The following EXT2 variants were observed in gnomAD, a reference collection of about 807,000 sequenced individuals.
EXT2 encodes the protein exostosin glycosyltransferase 2.
EXT2 carries 53 observed loss-of-function variants against 81.6 expected under a neutral mutation model. The observed-to-expected ratio is 0.65, with a 90% CI of 0.52 to 0.82. EXT2 has a LOEUF of 0.82. EXT2 is among the 40% of genes least tolerant of loss of function. The pLI is 0.00. For synonymous variants in EXT2, 320 were observed against 340.0 expected (o/e 0.94, Z 0.65); for missense variants, 774 against 910.2 (o/e 0.85, Z 1.93).
At chr11:44,118,446 T>A (rs1954254061) in intron 4 of EXT2, among the ~76,000 whole-genome samples, 1 of 152,226 alleles carries the variant, frequency 6.6e-6, no homozygotes, top group Non-Finnish European at 1.5e-5. Context: ...AATTTTACAC[T>A]GAACATAATG....
intron 9 of EXT2, chr11:44,198,242 A>G (rs1306740615): frequency 3.3e-5 from 19 of 584,098 alleles, no homozygotes; most frequent in Non-Finnish European, 5.2e-5. Context: ...CTTAGGAATC[A>G]ACAGGATCAA....
chr11:44,150,007 G>C (rs934805995), intron 7 of EXT2, among the ~76,000 whole-genome samples: 1 of 152,186 alleles, frequency 6.6e-6, no homozygotes, highest in African/African-American at 2.4e-5. Flanking sequence ...CTGATGTTGA[G>C]AGTTCTTCAG....
chr11:44,124,940 C>A lies in EXT2; in HGVS notation c.895C>A (p.Arg299Ser). The A allele has an allele frequency of 6.2e-7, 1 of 1,613,710 alleles. No individual in the cohort carries two copies. The highest frequency in any genetic ancestry group is 8.5e-7 in the Non-Finnish European group (1 of 1,180,020). ...AGAGGGTGTCCTTTCTGTCCGTAAG[C>A]GCTGCCACAAGCACCAGGTCTTCGA... ...LSEGVLSVRK[R>S]CHKHQVFDYP... is the part of the protein sequence containing the mutation. Residue 299 changes from arginine (R) to serine (S), a missense_variant, in exon 5 of 14, where the codon CGC becomes AGC. Physicochemically the swap from Arg to Ser is moderately radical, Grantham distance 110 (BLOSUM62 -1). This residue lies in a region of EXT2 where 626 missense variants were observed against 670.5 expected (regional missense o/e 0.93). Coordinates refer to ENST00000533608, the MANE Select transcript of EXT2 (RefSeq NM_207122.2).
intron 5 of EXT2, among the ~76,000 whole-genome samples, chr11:44,125,680 A>AT (rs5791606): frequency 0.3 from 44,380 of 148,382 alleles, 6,897 homozygotes; most frequent in Admixed American, 0.44. Flanking sequence ...AGCTGGTGTG[A>AT]TTTTTTTTTT....
At chr11:44,109,107 G>A (rs1954104112) in intron 2 of EXT2, 87 bp from the exon 3 acceptor site, 1 of 1,442,996 alleles carries the variant, frequency 6.9e-7, no homozygotes, top group South Asian at 1.2e-5. Context: ...TGGGCTTGGG[G>A]ATCCTTGATA....
At chr11:44,140,557 G>T (rs1954632089) in intron 7 of EXT2, among the ~76,000 whole-genome samples, 1 of 152,148 alleles carries the variant, frequency 6.6e-6, no homozygotes, top group Non-Finnish European at 1.5e-5. Context: ...CTGGATCAAG[G>T]CCAGTGGTTT....
intron 8 of EXT2, among the ~76,000 whole-genome samples, chr11:44,190,408 G>C (rs971467978): frequency 2.0e-5 from 3 of 152,132 alleles, no homozygotes; most frequent in Non-Finnish European, 4.4e-5. Context: ...AATAGGTAAG[G>C]CTTCTCATTA....
chr11:44,109,172 T>G (rs760364774), intron 2 of EXT2, 22 bp from the exon 3 acceptor site: 5 of 1,612,616 alleles, frequency 3.1e-6, no homozygotes, highest in Non-Finnish European at 4.2e-6. Flanking sequence ...TTAATTCTCC[T>G]ACATTTTAAA....
intron 10 of EXT2, among the ~76,000 whole-genome samples, chr11:44,225,711 A>G (rs773402658): frequency 6.6e-6 from 1 of 152,206 alleles, no homozygotes; most frequent in Non-Finnish European, 1.5e-5. Flanking sequence ...GACTTCATGA[A>G]TAGAAGATTG....
Position 44,119,169 on chromosome 11 carries a change from T to TATATATATAC in EXT2, c.743+4869_743+4870insTATATATACA, listed in dbSNP as rs1192115471. ...ATATATATATATATATATATATATA[T>TATATATATAC]ACACATACACACACACACACACACA... is the stretch of plus-strand genomic sequence containing the variant. On this transcript the variant is annotated intron_variant, in intron 4 of 13. Transcript: ENST00000533608. 4.1e-3 allele frequency among the ~76,000 whole-genome samples: 259 copies of TATATATATAC among 62,854 alleles called. 2 individuals are homozygous for TATATATATAC. The highest frequency in any genetic ancestry group is 8.2e-3 in the Middle Eastern group (1 of 122). The allele number at this position is 62,854 out of a possible 152,430, so 41.2% of individuals were successfully genotyped here. A position where few individuals can be genotyped will look rare whatever the true frequency, so the allele number is the denominator to read the frequency against.
chr11:44,114,778 C>G (rs190386142), intron 4 of EXT2, among the ~76,000 whole-genome samples: 90 of 151,518 alleles, frequency 5.9e-4, no homozygotes, highest in Admixed American at 2.0e-3. Context: ...ATAAGATTCA[C>G]GTTAGTCCTT....
At chr11:44,121,974 C>A (rs902486590) in intron 4 of EXT2, among the ~76,000 whole-genome samples, 1 of 152,122 alleles carries the variant, frequency 6.6e-6, no homozygotes, top group Admixed American at 6.5e-5. Flanking sequence ...CCTTCTTCCC[C>A]ACCCGACCAT....
At chr11:44,126,680 T>C (rs1954409309) in intron 5 of EXT2, 136 bp from the exon 6 acceptor site, 1 of 1,023,922 alleles carries the variant, frequency 9.8e-7, no homozygotes, top group East Asian at 2.4e-5. Flanking sequence ...AGCTGTTGTC[T>C]TTTGGCATTT....
intron 8 of EXT2, among the ~76,000 whole-genome samples, chr11:44,194,517 AACCATTACC>A (rs1955432822): frequency 6.6e-6 from 1 of 152,224 alleles, no homozygotes; most frequent in East Asian, 1.9e-4. Flanking sequence ...AAGGGCTGTG[AACCATTACC>A]GTCTGGTGTT....
chr11:44,138,389 G>C (rs1295859733), intron 7 of EXT2, among the ~76,000 whole-genome samples: 1 of 152,112 alleles, frequency 6.6e-6, no homozygotes, highest in Non-Finnish European at 1.5e-5. Context: ...GTAATCTTGA[G>C]AATGAATTGT....
intron 10 of EXT2, among the ~76,000 whole-genome samples, chr11:44,211,587 T>C (rs947530353): frequency 2.6e-5 from 4 of 151,958 alleles, no homozygotes; most frequent in Non-Finnish European, 4.4e-5. Flanking sequence ...CTCATAGAAG[T>C]AGAGAGTAGA....
chr11:44,238,801 A>C (rs1319585258), intron 13 of EXT2, among the ~76,000 whole-genome samples: 1 of 152,214 alleles, frequency 6.6e-6, no homozygotes, highest in African/African-American at 2.4e-5. Flanking sequence ...TGGTTTGTCA[A>C]GGGTGCCTGA....
chr11:44,225,432 C>T (rs983217034), intron 10 of EXT2, among the ~76,000 whole-genome samples: 1 of 152,048 alleles, frequency 6.6e-6, no homozygotes, highest in Non-Finnish European at 1.5e-5. Context: ...TCACAAAGAG[C>T]CTGTAGCTTT....
intron 7 of EXT2, among the ~76,000 whole-genome samples, chr11:44,162,638 A>G (rs1565217145): frequency 1.3e-5 from 2 of 152,036 alleles, no homozygotes. Context: ...ACAAATACTG[A>G]AACCTACCAA....
Sources: allele counts gnomAD v4.1 joint callset (sites outside exome capture counted in the v4.1 genomes callset), GRCh38; gene constraint gnomAD v4.1.1; regional missense constraint gnomAD v4.1.1; transcripts MANE v1.5; gene names NCBI Gene and HGNC (gene_info 2026-07-23, HGNC 2026-07-21).